VOPP1: variants seen among roughly 807,000 people sequenced by gnomAD.
VOPP1 encodes the protein WW domain binding protein VOPP1.
In VOPP1, 8 loss-of-function variants were observed where a neutral mutation model predicts 23.5. The observed-to-expected ratio is 0.34, with a 90% CI of 0.20 to 0.61. The LOEUF is 0.61. Among genes scored for constraint, VOPP1 ranks in the 20% least tolerant of loss-of-function variants. The pLI is 0.78. For missense variants in VOPP1, 174 were observed against 238.1 expected (o/e 0.73, Z 1.77); for synonymous variants, 83 against 97.3 (o/e 0.85, Z 0.86).
chr7:55,515,922 C>T, intron 2 of VOPP1: 3 of 968,392 alleles, frequency 3.1e-6, no homozygotes, highest in Non-Finnish European at 3.7e-6. Flanking sequence ...ACATGCTCCT[C>T]GGTCAGTTCC....
At position 55,518,071 on chromosome 7, in the gene VOPP1, A is replaced by G. The variant is rs373939196; in HGVS notation, c.113+3001T>C. On this transcript the variant is annotated intron_variant, in intron 2 of 4. Coordinates refer to ENST00000285279, the MANE Select transcript of VOPP1 (RefSeq NM_030796.5). ...CTAATCTCATGAGCATATGTAACAG[A>G]GAGGTGAGCTGGCCTTGGGTAGGTT... Among the ~76,000 whole-genome samples the G allele has an allele frequency of 5.9e-5, 9 of 152,314 alleles. No homozygotes were observed. In the East Asian group the frequency reaches 1.7e-3, roughly 29 times the overall value.
intron 1 of VOPP1, among the ~76,000 whole-genome samples, chr7:55,566,388 A>G (rs1442942746): frequency 6.6e-6 from 1 of 152,096 alleles, no homozygotes; most frequent in African/African-American, 2.4e-5. Flanking sequence ...CCCCGTCTCT[A>G]CTAAAGAAAA....
At chr7:55,483,259 C>T (rs1433519419) in intron 4 of VOPP1, among the ~76,000 whole-genome samples, 2 of 152,068 alleles carry the variant, frequency 1.3e-5, no homozygotes, top group East Asian at 1.9e-4. Context: ...CTCTGGGTGG[C>T]GCTGGGGTGA....
chr7:55,500,711 C>T (rs918031131), intron 2 of VOPP1, among the ~76,000 whole-genome samples: 6 of 152,210 alleles, frequency 3.9e-5, no homozygotes, highest in African/African-American at 1.4e-4. Context: ...GCTTCACAAA[C>T]GTCTTGTTAA....
At chr7:55,495,012 G>A (rs1793853778) in intron 3 of VOPP1, among the ~76,000 whole-genome samples, 1 of 152,074 alleles carries the variant, frequency 6.6e-6, no homozygotes, top group Non-Finnish European at 1.5e-5. Flanking sequence ...AAGTTACCTG[G>A]TTACTTTAAT....
chr7:55,538,940 T>C (rs1430881541), intron 1 of VOPP1, among the ~76,000 whole-genome samples: 2 of 150,504 alleles, frequency 1.3e-5, no homozygotes, highest in African/African-American at 4.9e-5. Flanking sequence ...AAGAAACTTA[T>C]CAGAGAGGTA....
intron 1 of VOPP1, among the ~76,000 whole-genome samples, chr7:55,567,083 G>C (rs1259766301): frequency 6.6e-6 from 1 of 152,148 alleles, no homozygotes; most frequent in African/African-American, 2.4e-5. Flanking sequence ...ATCACTAGAG[G>C]TGCTCTGCTG....
At chr7:55,499,402 A>G (rs1338391856) in intron 2 of VOPP1, among the ~76,000 whole-genome samples, 3 of 152,238 alleles carry the variant, frequency 2.0e-5, no homozygotes, top group African/African-American at 7.2e-5. Context: ...CAGTGAGCCA[A>G]GATCGTGCCA....
intron 2 of VOPP1, among the ~76,000 whole-genome samples, chr7:55,502,666 T>A (rs1465213227): frequency 6.6e-6 from 1 of 152,206 alleles, no homozygotes; most frequent in Non-Finnish European, 1.5e-5. Flanking sequence ...CAAAGAGATA[T>A]TCACTGCAAC....
At chr7:55,531,655 GT>G (rs1300413132) in intron 1 of VOPP1, among the ~76,000 whole-genome samples, 1 of 152,008 alleles carries the variant, frequency 6.6e-6, no homozygotes, top group African/African-American at 2.4e-5. Flanking sequence ...CCCAGAAAAA[GT>G]CATCTTTTTT....
intron 2 of VOPP1, among the ~76,000 whole-genome samples, chr7:55,516,389 TA>T (rs1209298701): frequency 6.6e-6 from 1 of 152,040 alleles, no homozygotes; most frequent in Non-Finnish European, 1.5e-5. Flanking sequence ...GGAAATGAAA[TA>T]AACCTTGAAG....
chr7:55,467,176 C>G (rs1202251632), downstream of VOPP1, among the ~76,000 whole-genome samples: 3 of 152,204 alleles, frequency 2.0e-5, no homozygotes, highest in African/African-American at 7.2e-5. Context: ...CTGTATGACC[C>G]AGCTCCTAAC....
At chr7:55,522,389 G>T (rs145245651) in intron 1 of VOPP1, among the ~76,000 whole-genome samples, 1 of 152,320 alleles carries the variant, frequency 6.6e-6, no homozygotes, top group Non-Finnish European at 1.5e-5. Flanking sequence ...TTTATTAACG[G>T]AAAATGAGTT....
intron 1 of VOPP1, among the ~76,000 whole-genome samples, chr7:55,549,747 G>A (rs899105733): frequency 5.3e-5 from 8 of 152,114 alleles, no homozygotes; most frequent in Non-Finnish European, 7.4e-5. Flanking sequence ...GTACGTTCTA[G>A]GCACACATCC....
intron 1 of VOPP1, among the ~76,000 whole-genome samples, 189 bp downstream of exon 1, chr7:55,572,082 G>A (rs916448925): frequency 6.6e-6 from 1 of 152,078 alleles, no homozygotes; most frequent in African/African-American, 2.4e-5. Flanking sequence ...GCGGACCGGG[G>A]CGGGAGCCTC....
Position 55,555,000 on chromosome 7 carries a change from G to A in VOPP1, c.54+17271C>T, listed in dbSNP as rs551958462. ...GTGGCTGCTTTTTGCCGCATCTCCC[G>A]AAGGAGAAAATCAGGTGAAAGGTGC... On this transcript the variant is annotated intron_variant, in intron 1 of 4. Transcript: ENST00000285279. 2.6e-5 allele frequency among the ~76,000 whole-genome samples: 4 copies of A among 152,312 alleles called. No homozygotes were observed. The South Asian group carries it at 6.2e-4, about 24-fold the overall frequency.
intron 4 of VOPP1, among the ~76,000 whole-genome samples, chr7:55,462,192 C>A (rs975553839): frequency 6.6e-6 from 1 of 152,206 alleles, no homozygotes; most frequent in African/African-American, 2.4e-5. Context: ...AAGGTTTCTG[C>A]TGAGGAATCT....
intron 4 of VOPP1, among the ~76,000 whole-genome samples, chr7:55,478,959 G>C (rs1280477825): frequency 1.3e-5 from 2 of 152,160 alleles, no homozygotes; most frequent in African/African-American, 4.8e-5. Context: ...AGAGCTGAGG[G>C]GGGCAGCAGG....
At chr7:55,460,782 T>C (rs1357436217) in intron 4 of VOPP1, among the ~76,000 whole-genome samples, 3 of 152,364 alleles carry the variant, frequency 2.0e-5, no homozygotes, top group African/African-American at 7.2e-5. Context: ...GATATAACTA[T>C]AGCTATTCCT....
Sources: allele counts gnomAD v4.1 joint callset (sites outside exome capture counted in the v4.1 genomes callset), GRCh38; gene constraint gnomAD v4.1.1; transcripts MANE v1.5; gene names NCBI Gene and HGNC (gene_info 2026-07-23, HGNC 2026-07-21).